The following NAV3 variants were observed in gnomAD, a reference collection of about 807,000 sequenced individuals.
NAV3 encodes the protein pore membrane and/or filament interacting like protein 1.
Under a neutral mutation model 244.7 loss-of-function variants are expected in NAV3, and 87 were observed. The ratio of observed to expected loss-of-function variants is 0.36; its 90% confidence interval spans 0.30 to 0.42. The LOEUF is 0.42. Ranked by LOEUF, NAV3 falls within the 20% of genes least tolerant of loss-of-function variation. The probability of loss-of-function intolerance (pLI) is 1.00; values close to 1 mark genes in which losing one functional copy is unlikely to be tolerated. For missense variants in NAV3, 2,663 were observed against 2,893.3 expected (o/e 0.92, Z 1.83); for synonymous variants, 1,126 against 1,042.2 (o/e 1.08, Z -1.55).
intron 2 of NAV3, among the ~76,000 whole-genome samples, chr12:77,711,624 C>A (rs762227050): frequency 3.9e-5 from 6 of 152,206 alleles, no homozygotes; most frequent in Non-Finnish European, 7.3e-5. Context: ...CCCTGATGTC[C>A]TGTCAGTCCT....
At chr12:78,130,928 C>G in intron 18 of NAV3, 1 of 178,626 alleles carries the variant, frequency 5.6e-6, no homozygotes, top group South Asian at 1.4e-4. Context: ...AGCATCAGTG[C>G]CAAGGCAGCA....
intron 1 of NAV3, among the ~76,000 whole-genome samples, chr12:77,888,090 C>T (rs975599446): frequency 4.0e-5 from 6 of 149,818 alleles, no homozygotes; most frequent in Non-Finnish European, 7.4e-5. Context: ...GAGGAATATG[C>T]GGTAAAATAT....
rs766836614 is a variant in NAV3 at position 78,189,981 on chromosome 12, C to T, written c.6056-3C>T. 5.0e-6 allele frequency: 8 copies of T among 1,606,958 alleles called. No homozygotes were observed. The African/African-American group carries it at 9.4e-5, about 19-fold the overall frequency. ...CATGCTATTTTTTTGTTTCTTCTTT[C>T]AGGGGTAGAAGAAAATAGTTTGGAC... is the stretch of plus-strand genomic sequence containing the variant. On this transcript the variant is annotated splice_polypyrimidine_tract_variant and splice_region_variant and intron_variant, in intron 33 of 39. Transcript: ENST00000397909.
At position 78,118,271 on chromosome 12, in the gene NAV3, CTGG is replaced by C; in HGVS notation, c.3015_3017del (p.Gly1006del). On this transcript the variant is annotated inframe_deletion, in exon 14 of 40. Coordinates refer to ENST00000397909, the MANE Select transcript of NAV3 (RefSeq NM_001024383.2). ...GGAGGGGCGCCATCTAGGCAGAAAG[CTGG>C]AACAAGTGCACTCAAAACACCCGGT... The C allele has an allele frequency of 6.2e-7, 1 of 1,610,202 alleles. No homozygotes were observed. Among genetic ancestry groups the C allele is most frequent in the Non-Finnish European group, 8.5e-7 (1 of 1,177,082 alleles).
chr12:77,649,367 A>G (rs73133988), intron 2 of NAV3, among the ~76,000 whole-genome samples: 6,696 of 152,242 alleles, frequency 0.044, 206 homozygotes, highest in Non-Finnish European at 0.066. Flanking sequence ...GGTTAAATGT[A>G]AACCCTGTAT....
intron 2 of NAV3, among the ~76,000 whole-genome samples, chr12:77,621,408 C>T (rs745526458): frequency 6.6e-6 from 1 of 151,876 alleles, no homozygotes; most frequent in Non-Finnish European, 1.5e-5. Flanking sequence ...CTTTGTTGAA[C>T]TTCTGAAGAA....
chr12:77,781,633 A>C (rs1386487660), intron 2 of NAV3, among the ~76,000 whole-genome samples: 1 of 152,184 alleles, frequency 6.6e-6, no homozygotes, highest in Non-Finnish European at 1.5e-5. Flanking sequence ...CACCTTGGGC[A>C]CATGTCATCA....
intron 39 of NAV3, among the ~76,000 whole-genome samples, chr12:78,210,017 G>A (rs781507629): frequency 9.9e-5 from 15 of 152,116 alleles, no homozygotes; most frequent in Non-Finnish European, 1.8e-4. Context: ...GAACATTCAC[G>A]ACTTTCAGTT....
intron 18 of NAV3, among the ~76,000 whole-genome samples, chr12:78,133,867 C>T (rs1482803810): frequency 6.6e-6 from 1 of 152,070 alleles, no homozygotes; most frequent in Non-Finnish European, 1.5e-5. Context: ...AGAATAAAGG[C>T]CTCTAAGATC....
chr12:77,701,238 C>A (rs1875546596), intron 2 of NAV3, among the ~76,000 whole-genome samples: 1 of 151,804 alleles, frequency 6.6e-6, no homozygotes, highest in South Asian at 2.1e-4. Context: ...TGATACAAAG[C>A]TATTTAGTTT....
rs1319866315 is a variant in NAV3 at position 78,170,687 on chromosome 12, A to T, written c.4981+1821A>T. On this transcript the variant is annotated intron_variant, in intron 24 of 39. Coordinates refer to ENST00000397909, the MANE Select transcript of NAV3 (RefSeq NM_001024383.2). Reference sequence around the variant, plus strand: ...TTCTTGTTCTGTTGTTGCATTGCATATTCCATATTTCAGCTATCCTGAATT... The same window carrying T: ...TTCTTGTTCTGTTGTTGCATTGCATTTTCCATATTTCAGCTATCCTGAATT... Among the ~76,000 whole-genome samples, 7 of 151,796 alleles carry T rather than the reference A, an allele frequency of 4.6e-5. No individual in the cohort carries two copies. The Admixed American group carries it at 4.6e-4, about 10-fold the overall frequency.
intron 1 of NAV3, among the ~76,000 whole-genome samples, chr12:77,936,568 A>G (rs912395986): frequency 1.3e-5 from 2 of 152,198 alleles, no homozygotes; most frequent in Non-Finnish European, 2.9e-5. Flanking sequence ...CTTCACTAAA[A>G]AAACTATAAT....
intron 2 of NAV3, among the ~76,000 whole-genome samples, chr12:77,625,580 G>A (rs1871582722): frequency 6.6e-6 from 1 of 152,080 alleles, no homozygotes; most frequent in South Asian, 2.1e-4. Flanking sequence ...TACCACTAAT[G>A]CCCAAGGAAT....
At chr12:78,186,930 GA>G (rs1274897480) in intron 31 of NAV3, among the ~76,000 whole-genome samples, 3 of 151,880 alleles carry the variant, frequency 2.0e-5, no homozygotes, top group East Asian at 3.9e-4. Context: ...TAGGAAGAGA[GA>G]AAGACTACAA....
intron 5 of NAV3, among the ~76,000 whole-genome samples, chr12:77,977,311 T>G (rs947327276): frequency 3.3e-5 from 5 of 152,086 alleles, no homozygotes; most frequent in African/African-American, 1.2e-4. Context: ...ATGTGTCAAT[T>G]AAAAAAAGAG....
chr12:77,608,698 G>A (rs1870777572), intron 2 of NAV3, among the ~76,000 whole-genome samples: 1 of 152,060 alleles, frequency 6.6e-6, no homozygotes, highest in Admixed American at 6.6e-5. Flanking sequence ...AGAATGAACT[G>A]GGAGTTCTCT....
At chr12:77,655,945 C>T (rs1873078293) in intron 2 of NAV3, among the ~76,000 whole-genome samples, 1 of 143,680 alleles carries the variant, frequency 7.0e-6, no homozygotes, top group African/African-American at 2.8e-5. Flanking sequence ...CCTAAAAGAG[C>T]TCCTGAAGGA....
chr12:77,618,881 A>G (rs1338770619), intron 2 of NAV3, among the ~76,000 whole-genome samples: 3 of 152,212 alleles, frequency 2.0e-5, no homozygotes, highest in Non-Finnish European at 4.4e-5. Context: ...TCAGTAGCCT[A>G]CTTGAGATTT....
intron 15 of NAV3, among the ~76,000 whole-genome samples, chr12:78,121,713 C>G (rs746451946): frequency 7.2e-5 from 11 of 152,042 alleles, no homozygotes; most frequent in Admixed American, 5.2e-4. Context: ...CACCCACTTC[C>G]CCTCTTTCCC....
Sources: allele counts gnomAD v4.1 joint callset (sites outside exome capture counted in the v4.1 genomes callset), GRCh38; gene constraint gnomAD v4.1.1; transcripts MANE v1.5; gene names NCBI Gene and HGNC (gene_info 2026-07-23, HGNC 2026-07-21).